SRRM1: variants seen among roughly 807,000 people sequenced by gnomAD.
The protein encoded by SRRM1 is serine/arginine repetitive matrix protein 1.
In SRRM1, 19 loss-of-function variants were observed where a neutral mutation model predicts 110.2. The ratio of observed to expected loss-of-function variants is 0.17; its 90% CI spans 0.12 to 0.25. The LOEUF is 0.25. SRRM1 is among the 10% of genes least tolerant of loss of function. SRRM1 has a pLI of 1.00. For missense variants in SRRM1, 918 were observed against 1,145.8 expected (o/e 0.80, Z 2.87); for synonymous variants, 443 against 414.9 (o/e 1.07, Z -0.82).
intron 12 of SRRM1, among the ~76,000 whole-genome samples, chr1:24,663,528 C>T (rs1355751749): frequency 1.3e-5 from 2 of 152,010 alleles, no homozygotes; most frequent in Non-Finnish European, 2.9e-5. Flanking sequence ...TTAACAGTAT[C>T]TGGATACTTT....
At chr1:24,668,604 G>A (rs1267463049) in intron 13 of SRRM1, among the ~76,000 whole-genome samples, 1 of 152,164 alleles carries the variant, frequency 6.6e-6, no homozygotes, top group Non-Finnish European at 1.5e-5. Flanking sequence ...TTTGAGGGGA[G>A]GTAGAAGTGT....
chr1:24,655,284 C>T (rs1663395919), intron 9 of SRRM1, among the ~76,000 whole-genome samples, 155 bp downstream of exon 9: 1 of 152,148 alleles, frequency 6.6e-6, no homozygotes, highest in African/African-American at 2.4e-5. Context: ...TACCTCTTTC[C>T]TGCTTTAAAA....
Position 24,652,483 on chromosome 1 carries a change from CCTT to C in SRRM1, c.778_780del (p.Ser260del). 1 of 1,605,668 alleles carries C rather than the reference CCTT, an allele frequency of 6.2e-7. No individual in the cohort carries two copies. The highest frequency in any genetic ancestry group is 8.5e-7 in the Non-Finnish European group (1 of 1,176,634). ...TGAACCTATACCAGAGCCTAAAGAA[CCTT>C]CTCCGGAAAAAAATTCCAAAAAAGA... On this transcript the variant is annotated inframe_deletion, in exon 7 of 17. Transcript: ENST00000323848.
intron 13 of SRRM1, among the ~76,000 whole-genome samples, chr1:24,667,165 A>C (rs944901603): frequency 6.6e-6 from 1 of 152,244 alleles, no homozygotes; most frequent in Non-Finnish European, 1.5e-5. Context: ...AAGAACACGT[A>C]TGATTCCATC....
In SRRM1 at chr1:24,657,959, ATAAT is replaced by A. The variant is rs539537835; in HGVS notation, c.1316-2755_1316-2752del. ...GATCTTTTGGGCAGGTCTAAGATTA[ATAAT>A]TAATAGGACTGTTGGAGTAAATTTA... On this transcript the variant is annotated intron_variant, in intron 9 of 16. Transcript: ENST00000323848. Among the ~76,000 whole-genome samples the A allele has an allele frequency of 2.7e-3, 418 of 152,152 alleles. 4 individuals are homozygous for A. Among genetic ancestry groups the A allele is most frequent in the African/African-American group, 9.1e-3 (377 of 41,412 alleles).
In SRRM1 at chr1:24,667,965, C is replaced by CTTTTTTTTTTTTTTTTTTTTTTT. The variant is rs1038405035; in HGVS notation, c.1739+1045_1739+1067dup. On this transcript the variant is annotated intron_variant, in intron 13 of 16. Transcript: ENST00000323848. ...AGCAATGTAATGACATGCTGCCACTCTTTTTTTTTTTTTTTTTTTTTTTTT... is the reference window on the plus strand; with the variant it reads ...AGCAATGTAATGACATGCTGCCACTCTTTTTTTTTTTTTTTTTTTTTTTTTTTTTTTTTTTTTTTTTTTTTTTT... 8.8e-5 allele frequency among the ~76,000 whole-genome samples: 6 copies of CTTTTTTTTTTTTTTTTTTTTTTT among 68,528 alleles called. 2 individuals are homozygous for CTTTTTTTTTTTTTTTTTTTTTTT. Among genetic ancestry groups the CTTTTTTTTTTTTTTTTTTTTTTT allele is most frequent in the African/African-American group, 1.4e-4 (2 of 14,550 alleles). 45.0% of individuals were successfully genotyped at this position (68,528 alleles called of 152,430 possible).
intron 5 of SRRM1, chr1:24,650,541 CATTT>C (rs1392435549): frequency 1.3e-5 from 2 of 152,230 alleles, no homozygotes; most frequent in Non-Finnish European, 2.9e-5. Flanking sequence ...AACTTCAGAT[CATTT>C]ATTTGTTTTC....
intron 2 of SRRM1, among the ~76,000 whole-genome samples, 180 bp downstream of exon 2, chr1:24,646,253 C>T (rs1015788228): frequency 3.3e-5 from 5 of 152,136 alleles, no homozygotes; most frequent in Non-Finnish European, 1.5e-5. Context: ...TGTGGCTGGG[C>T]GAGGTGGCTC....
intron 7 of SRRM1, 21 bp from the exon 8 acceptor site, chr1:24,652,892 T>C (rs1279954741): frequency 6.2e-7 from 1 of 1,611,420 alleles, no homozygotes; most frequent in East Asian, 2.2e-5. Flanking sequence ...ATTCAGGACC[T>C]AATTCTCTTT....
chr1:24,672,141 A>AG (rs755718875), intron 16 of SRRM1, 41 bp from the exon 17 acceptor site: 8 of 1,472,378 alleles, frequency 5.4e-6, no homozygotes, highest in Admixed American at 3.7e-5. Context: ...ATTTCCCACC[A>AG]GGGTCTCAAG....
At chr1:24,645,555 A>T (rs1656965451) in intron 1 of SRRM1, among the ~76,000 whole-genome samples, 1 of 152,036 alleles carries the variant, frequency 6.6e-6, no homozygotes, top group African/African-American at 2.4e-5. Context: ...TTTTCCTTTC[A>T]CCCTGTTTGT....
At chr1:24,662,407 G>A (rs903831288) in intron 11 of SRRM1, among the ~76,000 whole-genome samples, 1 of 152,198 alleles carries the variant, frequency 6.6e-6, no homozygotes, top group Non-Finnish European at 1.5e-5. Context: ...GAGCCACCGT[G>A]CCCAGCTCAA....
At chr1:24,663,323 G>T in intron 12 of SRRM1, 1 of 843,868 alleles carries the variant, frequency 1.2e-6, no homozygotes, top group Non-Finnish European at 1.8e-6. Flanking sequence ...TAAATATATG[G>T]TGGCTGTGGC....
rs1376293289 is a variant in SRRM1 at position 24,662,754 on chromosome 1, C to G, written c.1578C>G (p.Ser526=). 1.2e-6 allele frequency: 2 copies of G among 1,614,186 alleles called. No homozygotes were observed. The highest frequency in any genetic ancestry group is 2.2e-5 in the South Asian group (2 of 91,082). The change falls in exon 12 of 17, where the codon TCC becomes TCG. Residue 526 remains serine, a synonymous_variant. Coordinates refer to ENST00000323848, the MANE Select transcript of SRRM1 (RefSeq NM_005839.4). The part of the protein sequence containing the change: ...EVGRRRRHSP[S]RSASPSPRKR... ...GCAGGCGGCGGAGACATTCCCCTTC[C>G]CGGAGTGCTTCTCCATCACCACGAA... is the stretch of plus-strand genomic sequence containing the variant.
At chr1:24,655,229 G>A in intron 9 of SRRM1, 100 bp downstream of exon 9, 1 of 1,293,752 alleles carries the variant, frequency 7.7e-7, no homozygotes, top group Non-Finnish European at 1.1e-6. Flanking sequence ...GAAATAGCTA[G>A]ATAATATTTG....
chr1:24,662,302 G>C (rs143498119), intron 11 of SRRM1, among the ~76,000 whole-genome samples: 3 of 152,262 alleles, frequency 2.0e-5, no homozygotes, highest in Admixed American at 6.5e-5. Context: ...ACAAAGATTA[G>C]TTAGGCATGA....
rs1241046556 is a variant in SRRM1, at chr1:24,672,416, T to TA, written c.*137dup. 19 of 601,418 alleles carry TA rather than the reference T, an allele frequency of 3.2e-5. No homozygotes were observed. Among genetic ancestry groups the TA allele is most frequent in the South Asian group, 2.9e-4 (13 of 44,216 alleles). 37.3% of individuals were successfully genotyped at this position (601,418 alleles called of 1,614,324 possible). On this transcript the variant is annotated 3_prime_UTR_variant, in exon 17 of 17. Coordinates refer to ENST00000323848, the MANE Select transcript of SRRM1 (RefSeq NM_005839.4). The stretch of plus-strand genomic sequence containing the variant: ...AATTGCTAGGTTGAAGTTCAACATG[T>TA]AAAAAAAGGGGGCATGGATTTACAT...
Position 24,670,309 on chromosome 1 carries a change from G to C in SRRM1, c.2394G>C (p.Pro798=). The change falls in exon 15 of 17, where the codon CCG becomes CCC. Residue 798 remains proline (P), a synonymous_variant. Transcript: ENST00000323848. ...AAAGCCCAACACCGAGCCCATCACC[G>C]CCAAGAGTATGTGTCTGCCTTATTT... ...KAKSPTPSPS[P]PRNSDQEGGG... 1 of 1,609,432 alleles carries C rather than the reference G, an allele frequency of 6.2e-7. No individual in the cohort carries two copies. The highest frequency in any genetic ancestry group is 8.5e-7 in the Non-Finnish European group (1 of 1,178,140).
intron 1 of SRRM1, chr1:24,643,625 C>T (rs1655225730): frequency 2.6e-6 from 1 of 389,358 alleles, no homozygotes; most frequent in Non-Finnish European, 4.6e-6. Context: ...CGCTGCCCGC[C>T]TGCCTGGCGG....
Sources: gnomAD v4.1 joint callset for allele counts (sites outside exome capture counted in the v4.1 genomes callset) on GRCh38, gnomAD v4.1.1 for gene constraint, MANE v1.5 for transcripts, NCBI Gene and HGNC (gene_info 2026-07-23, HGNC 2026-07-21) for gene names.